The following FBXL17 variants were observed in gnomAD, a reference collection of about 807,000 sequenced individuals.
The protein encoded by FBXL17 is F-box/LRR-repeat protein 17.
Under a neutral mutation model 66.2 loss-of-function variants are expected in FBXL17, and 22 were observed. That is an observed-to-expected ratio of 0.33 (90% CI 0.24 to 0.47). FBXL17 has a LOEUF of 0.47. Among genes scored for constraint, FBXL17 ranks in the 20% least tolerant of loss-of-function variants. FBXL17 has a pLI of 1.00. For synonymous variants in FBXL17, 474 were observed against 400.5 expected, an observed-to-expected ratio of 1.18 and a Z score of -2.19; for missense variants, 878 against 948.2, an observed-to-expected ratio of 0.93 and a Z score of 0.97.
intron 2 of FBXL17, among the ~76,000 whole-genome samples, chr5:108,366,951 C>T (rs1748706833): frequency 6.6e-6 from 1 of 152,018 alleles, no homozygotes; most frequent in African/African-American, 2.4e-5. Flanking sequence ...GTGTGCCCCT[C>T]TTTTCAAATC....
At chr5:107,875,103 C>G (rs952014482) in intron 8 of FBXL17, among the ~76,000 whole-genome samples, 1 of 144,602 alleles carries the variant, frequency 6.9e-6, no homozygotes. Context: ...TTCTCTCTCT[C>G]TCTCTTTTTT....
chr5:108,299,882 T>C (rs972192698), intron 4 of FBXL17: 1 of 930,190 alleles, frequency 1.1e-6, no homozygotes, highest in East Asian at 1.2e-4. Flanking sequence ...TAGATATTTC[T>C]TCCCAGAACA....
chr5:108,292,443 T>C (rs1010332380), intron 4 of FBXL17, among the ~76,000 whole-genome samples: 1 of 152,098 alleles, frequency 6.6e-6, no homozygotes. Flanking sequence ...TTATAGTCTG[T>C]ATCTCTAGTC....
intron 6 of FBXL17, among the ~76,000 whole-genome samples, chr5:108,172,429 G>T (rs575543509): frequency 6.6e-6 from 1 of 152,166 alleles, no homozygotes; most frequent in Non-Finnish European, 1.5e-5. Context: ...ACGTCATATT[G>T]CACAAAAGAG....
chr5:108,276,047 A>T (rs1757470065), intron 4 of FBXL17, among the ~76,000 whole-genome samples: 1 of 152,302 alleles, frequency 6.6e-6, no homozygotes, highest in African/African-American at 2.4e-5. Context: ...AAAAGAAAGA[A>T]AGTAAATGTA....
At chr5:108,371,226 G>C (rs535532768) in intron 1 of FBXL17, among the ~76,000 whole-genome samples, 2 of 152,228 alleles carry the variant, frequency 1.3e-5, no homozygotes, top group East Asian at 1.9e-4. Context: ...GACCCCAAAA[G>C]TAAACCCACC....
At chr5:107,944,712 T>C (rs1751222396) in intron 7 of FBXL17, among the ~76,000 whole-genome samples, 1 of 152,180 alleles carries the variant, frequency 6.6e-6, no homozygotes, top group Admixed American at 6.5e-5. Context: ...TCTTTTTTGT[T>C]CATTCAATTA....
At chr5:107,980,113 C>G (rs551018482) in intron 7 of FBXL17, among the ~76,000 whole-genome samples, 1 of 152,250 alleles carries the variant, frequency 6.6e-6, no homozygotes, top group South Asian at 2.1e-4. Context: ...AGACCTTAAA[C>G]TGCATTATCA....
At position 108,381,616 on chromosome 5, in the gene FBXL17, G is replaced by A. The variant is rs1224202550; in HGVS notation, c.76C>T (p.Arg26Cys). 2.0e-6 allele frequency: 3 copies of A among 1,487,264 alleles called. No homozygotes were observed. The highest frequency in any genetic ancestry group is 2.3e-5 in the Admixed American group (1 of 43,454). The allele number at this position is 1,487,264 out of a possible 1,614,324, so 92.1% of individuals were successfully genotyped here. ...KRPRCCSWCRRRRPLLRLPRR... is the reference protein window; with the variant it reads ...KRPRCCSWCRCRRPLLRLPRR... ...GGCAGCCTGAGGAGAGGGCGCCGGC[G>A]GCGGCACCAACTGCAACAGCGAGGC... Residue 26 changes from arginine (R) to cysteine (C), a missense_variant, in exon 1 of 9, where the codon CGC (arginine) becomes TGC (cysteine). By Grantham distance (180) the Arg-to-Cys change is radical. Transcript: ENST00000542267.
At chr5:107,905,285 T>C (rs1247513212) in intron 7 of FBXL17, among the ~76,000 whole-genome samples, 1 of 152,122 alleles carries the variant, frequency 6.6e-6, no homozygotes, top group Admixed American at 6.6e-5. Context: ...TTCATAAATA[T>C]AAAACTATTC....
chr5:107,864,123 G>A (rs563518839), intron 8 of FBXL17, among the ~76,000 whole-genome samples: 5 of 152,280 alleles, frequency 3.3e-5, no homozygotes, highest in African/African-American at 9.6e-5. Flanking sequence ...CTGTTATAGC[G>A]ATTAAATATA....
At chr5:107,979,825 A>T (rs1389019530) in intron 7 of FBXL17, among the ~76,000 whole-genome samples, 4 of 152,244 alleles carry the variant, frequency 2.6e-5, no homozygotes, top group African/African-American at 9.6e-5. Context: ...CAACAAAACA[A>T]ACTGAAAGGT....
intron 4 of FBXL17, among the ~76,000 whole-genome samples, chr5:108,235,078 T>A (rs1360183971): frequency 6.6e-6 from 1 of 152,192 alleles, no homozygotes; most frequent in Non-Finnish European, 1.5e-5. Context: ...ATTGCTAGCA[T>A]ATCTGGGATG....
chr5:108,190,980 T>C (rs1406327672), intron 5 of FBXL17, among the ~76,000 whole-genome samples: 2 of 152,198 alleles, frequency 1.3e-5, no homozygotes, highest in Non-Finnish European at 2.9e-5. Context: ...AGCCCCATGT[T>C]GGTATCACAG....
At chr5:107,863,652 T>A (rs1748195875) in intron 8 of FBXL17, among the ~76,000 whole-genome samples, 1 of 152,198 alleles carries the variant, frequency 6.6e-6, no homozygotes, top group African/African-American at 2.4e-5. Flanking sequence ...CTAAGATCTA[T>A]AAGAACTATC....
At chr5:108,074,831 T>C (rs907838247) in intron 6 of FBXL17, among the ~76,000 whole-genome samples, 3 of 152,216 alleles carry the variant, frequency 2.0e-5, no homozygotes, top group Non-Finnish European at 4.4e-5. Flanking sequence ...GACAAGTCAC[T>C]GGTGAGAGCT....
In FBXL17 at chr5:107,977,627, C is replaced by T. The variant is rs370893829; in HGVS notation, c.1822+43298G>A. On this transcript the variant is annotated intron_variant, in intron 7 of 8. Transcript: ENST00000542267. ...TTCTTTACAGTCACTGCCTGAGAGT[C>T]TTCACCTGAAATCTATGGACTTTCA... 2.5e-4 allele frequency among the ~76,000 whole-genome samples: 38 copies of T among 152,248 alleles called. No homozygotes were observed. In the South Asian group the frequency reaches 7.3e-3, roughly 29 times the overall value.
chr5:108,186,275 A>C (rs541927686), intron 5 of FBXL17, 28 bp from the exon 6 acceptor site: 19 of 1,596,568 alleles, frequency 1.2e-5, no homozygotes, highest in Non-Finnish European at 1.5e-5. Flanking sequence ...ATGAAAGATG[A>C]AAAAGGTAAA....
intron 4 of FBXL17, among the ~76,000 whole-genome samples, chr5:108,285,588 T>C (rs1303668625): frequency 6.6e-6 from 1 of 151,848 alleles, no homozygotes; most frequent in Non-Finnish European, 1.5e-5. Context: ...ATGAGTGGTA[T>C]TATTTTGAAA....
Sources: allele counts gnomAD v4.1 joint callset (sites outside exome capture counted in the v4.1 genomes callset), GRCh38; gene constraint gnomAD v4.1.1; transcripts MANE v1.5; gene names NCBI Gene and HGNC (gene_info 2026-07-23, HGNC 2026-07-21).